The following IL1RAPL1 variants were observed in gnomAD, a reference collection of about 807,000 sequenced individuals.
IL1RAPL1 encodes interleukin 1 receptor accessory protein like 1, also known as interleukin-1 receptor accessory protein-like 1.
In IL1RAPL1, 3 loss-of-function variants were observed where a neutral mutation model predicts 48.4. That is an observed-to-expected ratio of 0.06 (90% CI 0.03 to 0.16). The LOEUF is 0.16. IL1RAPL1 is among the 10% of genes least tolerant of loss of function. IL1RAPL1 has a pLI of 1.00. For missense variants in IL1RAPL1, 349 were observed against 530.6 expected, an observed-to-expected ratio of 0.66 and a Z score of 3.36; for synonymous variants, 185 against 187.7, an observed-to-expected ratio of 0.99 and a Z score of 0.12.
At chrX:29,688,692 C>A (rs1464404684) in intron 6 of IL1RAPL1, among the ~76,000 whole-genome samples, 2 of 109,273 alleles carry the variant, frequency 1.8e-5, no homozygotes, top group Admixed American at 2.0e-4. Context: ...AGTGAAGTAT[C>A]AACAAGACCC....
At chrX:29,246,066 T>G (rs906457852) in intron 2 of IL1RAPL1, among the ~76,000 whole-genome samples, 3 of 100,220 alleles carry the variant, frequency 3.0e-5, no homozygotes, top group Admixed American at 2.3e-4. Flanking sequence ...GTAGTACTTT[T>G]GGGTGTTAGT....
At chrX:29,584,501 C>T (rs1055424724) in intron 5 of IL1RAPL1, among the ~76,000 whole-genome samples, 11 of 111,448 alleles carry the variant, frequency 9.9e-5, no homozygotes, top group Non-Finnish European at 7.5e-5. Context: ...TCAACTCCAC[C>T]GCTTTGCTCA....
chrX:29,707,682 G>A (rs758433136), intron 6 of IL1RAPL1, among the ~76,000 whole-genome samples: 1 of 111,834 alleles, frequency 8.9e-6, no homozygotes, highest in East Asian at 2.8e-4. Flanking sequence ...AAGTAACTCA[G>A]GAATGGAAAA....
At chrX:29,021,850 AT>A (rs1926377226) in intron 2 of IL1RAPL1, among the ~76,000 whole-genome samples, 1 of 111,769 alleles carries the variant, frequency 8.9e-6, no homozygotes, top group South Asian at 3.7e-4. Flanking sequence ...TTCCAGAATT[AT>A]GTCTGCAACT....
At chrX:28,962,722 A>G (rs1924813499) in intron 2 of IL1RAPL1, among the ~76,000 whole-genome samples, 1 of 111,426 alleles carries the variant, frequency 9.0e-6, no homozygotes, top group Non-Finnish European at 1.9e-5. Flanking sequence ...AGTAATTTAG[A>G]GATGATTTAA....
intron 6 of IL1RAPL1, among the ~76,000 whole-genome samples, chrX:29,803,212 T>C (rs1397022417): frequency 2.6e-5 from 1 of 37,774 alleles, no homozygotes; most frequent in Non-Finnish European, 5.1e-5. Flanking sequence ...CACACATGTA[T>C]ATATGTATAC....
At chrX:29,505,049 T>C (rs1341753516) in intron 5 of IL1RAPL1, among the ~76,000 whole-genome samples, 1 of 112,043 alleles carries the variant, frequency 8.9e-6, no homozygotes, top group Admixed American at 9.5e-5. Context: ...AACATAATTA[T>C]AACATTCTTT....
chrX:28,683,282 A>G (rs1004494366), intron 1 of IL1RAPL1, among the ~76,000 whole-genome samples: 10 of 111,024 alleles, frequency 9.0e-5, no homozygotes, highest in African/African-American at 3.3e-4. Context: ...ATCCCTCAGT[A>G]GTTGCTACCA....
intron 6 of IL1RAPL1, among the ~76,000 whole-genome samples, chrX:29,801,830 C>G (rs926746180): frequency 9.0e-5 from 10 of 111,309 alleles, no homozygotes; most frequent in Non-Finnish European, 9.4e-5. Flanking sequence ...AAAGGACTCT[C>G]TAGTTGTGGT....
chrX:28,611,554 TA>T (rs1934148122), intron 1 of IL1RAPL1, among the ~76,000 whole-genome samples: 1 of 112,857 alleles, frequency 8.9e-6, no homozygotes, highest in Non-Finnish European at 1.9e-5. Context: ...ATTTTAAGGC[TA>T]AATCATGCCA....
intron 2 of IL1RAPL1, among the ~76,000 whole-genome samples, chrX:29,115,818 T>C: frequency 9.0e-6 from 1 of 111,421 alleles, no homozygotes; most frequent in Non-Finnish European, 1.9e-5. Context: ...TTGTCTTTGC[T>C]CCTCTTTTTC....
chrX:29,059,155 A>T (rs1927287954), intron 2 of IL1RAPL1, among the ~76,000 whole-genome samples: 1 of 111,374 alleles, frequency 9.0e-6, no homozygotes, highest in Non-Finnish European at 1.9e-5. Context: ...GATTTTTATT[A>T]TTTTCTTTGG....
chrX:28,621,960 G>T (rs12837565), intron 1 of IL1RAPL1, among the ~76,000 whole-genome samples: 49,410 of 109,224 alleles, frequency 0.45, 8,229 homozygotes, highest in East Asian at 0.62. Flanking sequence ...GAAGGAAGAG[G>T]CAGGTGGCAG....
intron 2 of IL1RAPL1, among the ~76,000 whole-genome samples, chrX:29,270,882 T>C (rs1932031488): frequency 8.9e-6 from 1 of 111,771 alleles, no homozygotes. Flanking sequence ...TGTTTTACAT[T>C]CAGGGTTACA....
intron 2 of IL1RAPL1, among the ~76,000 whole-genome samples, chrX:28,882,533 C>T (rs1458044050): frequency 1.8e-5 from 2 of 111,682 alleles, no homozygotes; most frequent in African/African-American, 6.5e-5. Context: ...ATCCCAGCTA[C>T]TCAGGAGGCT....
In IL1RAPL1 at chrX:29,920,820, AAAAG is replaced by A. The variant is rs1470389559; in HGVS notation, c.1057+730_1057+733del. The stretch of plus-strand genomic sequence containing the variant: ...AAAAAAAAAAAAAAAAAAAAAAAAG[AAAAG>A]AAAAGAAAGAAAAGAGAAAAAAAAA... On this transcript the variant is annotated intron_variant, in intron 8 of 10. Transcript: ENST00000378993. Among the ~76,000 whole-genome samples the A allele has an allele frequency of 5.2e-5, 5 of 95,964 alleles. No individual in the cohort carries two copies. The East Asian group carries it at 1.5e-3, about 29-fold the overall frequency. The allele number at this position is 95,964 out of a possible 115,157, so 83.3% of individuals were successfully genotyped here.
chrX:29,819,023 A>G (rs754144305), intron 6 of IL1RAPL1, among the ~76,000 whole-genome samples: 11 of 111,829 alleles, frequency 9.8e-5, no homozygotes, highest in African/African-American at 3.2e-4. Flanking sequence ...GGTTTCATAA[A>G]TCAGAAGTCT....
At chrX:28,862,957 C>T (rs1000250521) in intron 2 of IL1RAPL1, among the ~76,000 whole-genome samples, 18 of 110,365 alleles carry the variant, frequency 1.6e-4, no homozygotes, top group Middle Eastern at 4.7e-3. Context: ...TCTTGGCTCA[C>T]GGCAACATCC....
At chrX:29,132,627 G>A (rs1349299359) in intron 2 of IL1RAPL1, among the ~76,000 whole-genome samples, 1 of 111,816 alleles carries the variant, frequency 8.9e-6, no homozygotes, top group Non-Finnish European at 1.9e-5. Context: ...CTGTCATTAA[G>A]TGATGCACGA....
Sources: gnomAD v4.1 joint callset for allele counts (sites outside exome capture counted in the v4.1 genomes callset) on GRCh38, gnomAD v4.1.1 for gene constraint, MANE v1.5 for transcripts, NCBI Gene and HGNC (gene_info 2026-07-23, HGNC 2026-07-21) for gene names.